The following CSMD3 variants were observed in gnomAD, a reference collection of about 807,000 sequenced individuals.
CSMD3 encodes CUB and Sushi multiple domains 3.
A neutral mutation model predicts 435.2 loss-of-function variants in CSMD3; 177 were observed. The observed-to-expected ratio is 0.41, with a 90% CI of 0.36 to 0.46. CSMD3 has a LOEUF of 0.46. CSMD3 is among the 20% of genes least tolerant of loss of function. The pLI, the probability that CSMD3 is intolerant of heterozygous loss-of-function variation, is 0.34. For synonymous variants in CSMD3, 1,656 were observed against 1,520.5 expected (o/e 1.09, Z -2.07); for missense variants, 4,265 against 4,504.6 (o/e 0.95, Z 1.52).
intron 32 of CSMD3, among the ~76,000 whole-genome samples, chr8:112,433,677 G>GAAAA (rs1462627800): frequency 0.019 from 2,640 of 138,352 alleles, 97 homozygotes; most frequent in African/African-American, 0.066. Context: ...AAAAAAGAAA[G>GAAAA]AAAGAAAGAA....
At chr8:112,614,712 A>G (rs1197001928) in intron 22 of CSMD3, among the ~76,000 whole-genome samples, 1 of 152,074 alleles carries the variant, frequency 6.6e-6, no homozygotes, top group African/African-American at 2.4e-5. Flanking sequence ...TAAACCAAGA[A>G]CTATACAAAG....
At chr8:112,533,370 C>A (rs1416826978) in intron 27 of CSMD3, among the ~76,000 whole-genome samples, 1 of 151,744 alleles carries the variant, frequency 6.6e-6, no homozygotes, top group African/African-American at 2.4e-5. Flanking sequence ...ATGCTGCTTA[C>A]AAGGAACATA....
chr8:112,844,616 T>C (rs960801823), intron 11 of CSMD3, among the ~76,000 whole-genome samples: 2 of 151,970 alleles, frequency 1.3e-5, no homozygotes, highest in African/African-American at 2.4e-5. Flanking sequence ...CAACCTAAGA[T>C]AAAGACCACA....
Position 112,685,514 on chromosome 8 carries a change from T to A in CSMD3, c.2374A>T (p.Thr792Ser). Residue 792 changes from threonine to serine, a missense_variant, in exon 15 of 71, where the codon ACT (threonine) becomes TCT (serine). Physicochemically the swap from Thr to Ser is moderately conservative, Grantham distance 58. Coordinates refer to ENST00000297405, the MANE Select transcript of CSMD3 (RefSeq NM_198123.2). ...SPESPILGTF[T>S]GAEVPSHLTS... ...AGATGGGAAGGCACCTCAGCCCCAG[T>A]AAAGGTTCCAAGAATTGGGGATTCT... 6.2e-7 allele frequency: 1 copy of A among 1,613,996 alleles called. No homozygotes were observed. Among genetic ancestry groups the A allele is most frequent in the East Asian group, 2.2e-5 (1 of 44,848 alleles).
chr8:112,705,607 T>C (rs979226892), intron 13 of CSMD3, among the ~76,000 whole-genome samples: 7 of 151,946 alleles, frequency 4.6e-5, no homozygotes, highest in Non-Finnish European at 8.8e-5. Context: ...CTAAAAAGGG[T>C]AGAGGAGAAA....
intron 1 of CSMD3, among the ~76,000 whole-genome samples, chr8:113,436,300 T>C (rs80059746): frequency 0.047 from 7,158 of 152,252 alleles, 165 homozygotes; most frequent in African/African-American, 0.069. Flanking sequence ...CTTTAATATA[T>C]ATATTCCACC....
intron 4 of CSMD3, among the ~76,000 whole-genome samples, chr8:113,163,544 C>T (rs1182101703): frequency 6.6e-6 from 1 of 151,652 alleles, no homozygotes; most frequent in Non-Finnish European, 1.5e-5. Flanking sequence ...TATAAAGAAA[C>T]TTATTCTAGA....
chr8:112,335,169 T>C (rs1824440606), intron 45 of CSMD3, among the ~76,000 whole-genome samples, 160 bp downstream of exon 45: 2 of 152,198 alleles, frequency 1.3e-5, no homozygotes, highest in South Asian at 4.1e-4. Flanking sequence ...AGGTCATCTT[T>C]TGCAAGGAAA....
At chr8:112,760,741 A>G (rs2077817796) in intron 13 of CSMD3, among the ~76,000 whole-genome samples, 1 of 152,162 alleles carries the variant, frequency 6.6e-6, no homozygotes, top group Non-Finnish European at 1.5e-5. Context: ...TATTCCCACC[A>G]TAATCTCCAG....
At chr8:112,366,341 T>C (rs1034852710) in intron 38 of CSMD3, among the ~76,000 whole-genome samples, 1 of 152,130 alleles carries the variant, frequency 6.6e-6, no homozygotes, top group African/African-American at 2.4e-5. Flanking sequence ...ATTCCTCTCA[T>C]CAAACAAGGG....
intron 1 of CSMD3, among the ~76,000 whole-genome samples, chr8:113,423,623 A>G (rs1472903876): frequency 6.6e-6 from 1 of 151,990 alleles, no homozygotes; most frequent in Non-Finnish European, 1.5e-5. Context: ...ATACATAAAA[A>G]AAGAAGAATC....
intron 1 of CSMD3, among the ~76,000 whole-genome samples, chr8:113,349,514 G>T (rs2132899797): frequency 6.6e-6 from 1 of 152,176 alleles, no homozygotes; most frequent in East Asian, 1.9e-4. Flanking sequence ...GGGCACAGTG[G>T]CTCATACCTG....
chr8:112,577,102 T>C (rs909317409), intron 23 of CSMD3, among the ~76,000 whole-genome samples: 1 of 152,042 alleles, frequency 6.6e-6, no homozygotes, highest in Non-Finnish European at 1.5e-5. Flanking sequence ...AACTGTTAAA[T>C]TTTGGAAGCA....
intron 23 of CSMD3, among the ~76,000 whole-genome samples, chr8:112,582,071 G>T (rs543344444): frequency 2.0e-5 from 3 of 152,046 alleles, no homozygotes; most frequent in African/African-American, 4.8e-5. Context: ...TGGAATTGGG[G>T]CCTGGTGGAA....
At chr8:112,725,586 C>G (rs571137648) in intron 13 of CSMD3, among the ~76,000 whole-genome samples, 15 of 151,958 alleles carry the variant, frequency 9.9e-5, no homozygotes, top group African/African-American at 3.6e-4. Context: ...CTAAGACAAA[C>G]TGAAATATAC....
chr8:113,310,394 A>C (rs1474473216), intron 2 of CSMD3: 1 of 151,974 alleles, frequency 6.6e-6, no homozygotes, highest in East Asian at 1.9e-4. Flanking sequence ...TTCTTCACTT[A>C]TTTGTGCAGA....
At chr8:112,280,863 T>C (rs1410250880) in intron 59 of CSMD3, among the ~76,000 whole-genome samples, 1 of 152,158 alleles carries the variant, frequency 6.6e-6, no homozygotes, top group East Asian at 1.9e-4. Context: ...ATCCATTCTA[T>C]TTTTAATTTT....
At chr8:112,577,753 C>T (rs1057289415) in intron 23 of CSMD3, among the ~76,000 whole-genome samples, 3 of 152,036 alleles carry the variant, frequency 2.0e-5, no homozygotes, top group African/African-American at 7.2e-5. Flanking sequence ...GGTGTACAGA[C>T]TCTCCTGAAT....
In CSMD3 at chr8:112,556,972, A is replaced by AT; in HGVS notation, c.4043-19dup. On this transcript the variant is annotated intron_variant, in intron 24 of 70. Transcript: ENST00000297405. Reference sequence around the variant, plus strand: ...TTCAAAACCTGGGACAAAAATATAAATTGATTAAAGGCAAAATTTAGGAGG... The same window carrying AT: ...TTCAAAACCTGGGACAAAAATATAAATTTGATTAAAGGCAAAATTTAGGAGG... The AT allele has an allele frequency of 6.3e-7, 1 of 1,580,752 alleles. No individual in the cohort carries two copies. The highest frequency in any genetic ancestry group is 8.7e-7 in the Non-Finnish European group (1 of 1,150,860).
Sources: gnomAD v4.1 joint callset for allele counts (sites outside exome capture counted in the v4.1 genomes callset) on GRCh38, gnomAD v4.1.1 for gene constraint, MANE v1.5 for transcripts, NCBI Gene and HGNC (gene_info 2026-07-23, HGNC 2026-07-21) for gene names.